The following ATF7IP2 variants were observed in gnomAD, a reference collection of about 807,000 sequenced individuals.
ATF7IP2 encodes the protein activating transcription factor 7 interacting protein 2, also known as activating transcription factor 7-interacting protein 2.
In ATF7IP2, 42 loss-of-function variants were observed where a neutral mutation model predicts 64.2. That is an observed-to-expected ratio of 0.65 (90% CI 0.51 to 0.85). ATF7IP2 has a LOEUF of 0.85. ATF7IP2 is among the 40% of genes least tolerant of loss of function. The pLI is 0.00. For synonymous variants in ATF7IP2, 308 were observed against 272.8 expected (o/e 1.13, Z -1.27); for missense variants, 933 against 784.2 (o/e 1.19, Z -2.27).
At chr16:10,468,938 A>G (rs1335996506) in intron 9 of ATF7IP2, among the ~76,000 whole-genome samples, 3 of 152,196 alleles carry the variant, frequency 2.0e-5, no homozygotes, top group African/African-American at 7.2e-5. Context: ...AATTAGTCCC[A>G]GAGACTGCAA....
intron 4 of ATF7IP2, among the ~76,000 whole-genome samples, chr16:10,429,777 A>T (rs149128787): frequency 0.023 from 2,372 of 105,202 alleles, 60 homozygotes; most frequent in East Asian, 0.14. Context: ...TTTTATTTTA[A>T]TTTAATTTAA....
chr16:10,458,400 G>A (rs1289170653), intron 9 of ATF7IP2, among the ~76,000 whole-genome samples: 3 of 152,172 alleles, frequency 2.0e-5, no homozygotes, highest in Admixed American at 6.5e-5. Context: ...TGATGGAAGT[G>A]AAAAAGACAC....
At chr16:10,448,557 G>T (rs1487233504) in intron 8 of ATF7IP2, 1 of 152,004 alleles carries the variant, frequency 6.6e-6, no homozygotes, top group Non-Finnish European at 1.5e-5. Context: ...TCATGATTTG[G>T]TTCTCTGTTA....
chr16:10,395,189 G>A (rs1017373716), intron 1 of ATF7IP2, among the ~76,000 whole-genome samples: 3 of 151,858 alleles, frequency 2.0e-5, no homozygotes, highest in Non-Finnish European at 2.9e-5. Context: ...GAATACTATA[G>A]AATAATTCCA....
intron 1 of ATF7IP2, among the ~76,000 whole-genome samples, chr16:10,390,050 TAA>T: frequency 6.6e-6 from 1 of 152,390 alleles, no homozygotes; most frequent in East Asian, 1.9e-4. Flanking sequence ...GGGTTTTTTC[TAA>T]ATTTTTACTT....
intron 9 of ATF7IP2, among the ~76,000 whole-genome samples, chr16:10,464,039 A>G (rs2049466163): frequency 6.6e-6 from 1 of 152,168 alleles, no homozygotes; most frequent in Non-Finnish European, 1.5e-5. Context: ...CCTTGAGAGA[A>G]GAACACTGGC....
rs1421320244 is a variant in ATF7IP2 at position 10,456,044 on chromosome 16, ATC to A, written c.1195-1325_1195-1324del. Among the ~76,000 whole-genome samples, 4 of 151,994 alleles carry A rather than the reference ATC, an allele frequency of 2.6e-5. No homozygotes were observed. The South Asian group carries it at 6.2e-4, about 24-fold the overall frequency. On this transcript the variant is annotated intron_variant, in intron 8 of 13. Transcript: ENST00000562102. ...GCCCAGGCTGGAGTGCAGTGACACAATCTCGGCTCACTGCAACATCCGCCTCC... is the reference window on the plus strand; with the variant it reads ...GCCCAGGCTGGAGTGCAGTGACACAATCGGCTCACTGCAACATCCGCCTCC...
At chr16:10,473,454 T>A in intron 10 of ATF7IP2, 25 bp from the exon 11 acceptor site, 1 of 1,427,610 alleles carries the variant, frequency 7.0e-7, no homozygotes, top group Non-Finnish European at 9.8e-7. Flanking sequence ...TGTAATAAAT[T>A]TGTCAAATGT....
intron 6 of ATF7IP2, among the ~76,000 whole-genome samples, chr16:10,436,854 GT>G (rs1567459841): frequency 6.6e-6 from 1 of 151,994 alleles, no homozygotes; most frequent in Non-Finnish European, 1.5e-5. Context: ...GCTCATATCA[GT>G]GGGCATTGAA....
intron 9 of ATF7IP2, among the ~76,000 whole-genome samples, chr16:10,464,157 T>C (rs750329972): frequency 6.6e-6 from 1 of 152,020 alleles, no homozygotes; most frequent in Non-Finnish European, 1.5e-5. Context: ...TATTTAGATA[T>C]TTTTTTCCCC....
intron 5 of ATF7IP2, 133 bp downstream of exon 5, chr16:10,431,588 T>TA: frequency 1.6e-6 from 1 of 617,120 alleles, no homozygotes; most frequent in Non-Finnish European, 2.7e-6. Context: ...CACAGTATCT[T>TA]GTTTCTGAAC....
At chr16:10,443,177 G>A (rs896361682) in intron 8 of ATF7IP2, among the ~76,000 whole-genome samples, 3 of 152,202 alleles carry the variant, frequency 2.0e-5, no homozygotes, top group African/African-American at 4.8e-5. Context: ...GGATGAGTAA[G>A]GGCAGACTGA....
chr16:10,438,190 G>T lies in ATF7IP2; in HGVS notation c.1050G>T (p.Lys350Asn). The T allele has an allele frequency of 6.2e-7, 1 of 1,606,084 alleles. No homozygotes were observed. The highest frequency in any genetic ancestry group is 8.5e-7 in the Non-Finnish European group (1 of 1,176,936). Residue 350 changes from lysine to asparagine, a missense_variant, in exon 7 of 14, where the codon AAG becomes AAT. Transcript: ENST00000562102. ...AAGAATTGAACCAACGCATTGGGAA[G>T]ACAGAGTGCAGAAATAAGCATGAAG... ...KLKELNQRIG[K>N]TECRNKHEGI...
intron 8 of ATF7IP2, among the ~76,000 whole-genome samples, chr16:10,444,801 C>T (rs2048747834): frequency 6.6e-6 from 1 of 152,142 alleles, no homozygotes; most frequent in African/African-American, 2.4e-5. Context: ...AATATTTGCA[C>T]TGAAACGAGT....
rs144229047 is a variant in ATF7IP2, at chr16:10,421,205, G to T, written c.-160+1582G>T. Among the ~76,000 whole-genome samples the T allele has an allele frequency of 7.7e-3, 1,178 of 152,218 alleles. 16 individuals are homozygous for T. The highest frequency in any genetic ancestry group is 0.027 in the African/African-American group (1,138 of 41,534). On this transcript the variant is annotated intron_variant, in intron 3 of 13. Transcript: ENST00000562102. ...TGATCTAAATAAGGAGTTAGAGTCCGTGAATTAGTATGTGGAAGAAAAGCC... is the reference window on the plus strand; with the variant it reads ...TGATCTAAATAAGGAGTTAGAGTCCTTGAATTAGTATGTGGAAGAAAAGCC...
At chr16:10,445,101 C>G (rs556360839) in intron 8 of ATF7IP2, among the ~76,000 whole-genome samples, 1 of 152,296 alleles carries the variant, frequency 6.6e-6, no homozygotes, top group African/African-American at 2.4e-5. Context: ...CTATCTGTAA[C>G]TTGTTTGGCT....
At chr16:10,400,768 A>G (rs2047514595) in intron 1 of ATF7IP2, among the ~76,000 whole-genome samples, 1 of 152,102 alleles carries the variant, frequency 6.6e-6, no homozygotes, top group Non-Finnish European at 1.5e-5. Flanking sequence ...TGCAACCTCC[A>G]TCTCTTGGGT....
chr16:10,446,610 G>C (rs992642119), intron 8 of ATF7IP2: 1 of 152,062 alleles, frequency 6.6e-6, no homozygotes, highest in Non-Finnish European at 1.5e-5. Flanking sequence ...AAAAACTGAG[G>C]GTTCGAGGAT....
At chr16:10,427,883 C>T (rs2048118678) in intron 3 of ATF7IP2, among the ~76,000 whole-genome samples, 1 of 150,824 alleles carries the variant, frequency 6.6e-6, no homozygotes, top group African/African-American at 2.4e-5. Flanking sequence ...TGGAGGTGAC[C>T]CAAAGATCTT....
Sources: gnomAD v4.1 joint callset for allele counts (sites outside exome capture counted in the v4.1 genomes callset) on GRCh38, gnomAD v4.1.1 for gene constraint, MANE v1.5 for transcripts, NCBI Gene and HGNC (gene_info 2026-07-23, HGNC 2026-07-21) for gene names.